The following GABRB2 variants were observed in gnomAD, a reference collection of about 807,000 sequenced individuals.
GABRB2 encodes gamma-aminobutyric acid receptor subunit beta-2.
A neutral mutation model predicts 54.7 loss-of-function variants in GABRB2; 16 were observed. The observed-to-expected ratio is 0.29, with a 90% CI of 0.20 to 0.44. GABRB2 has a LOEUF of 0.44. Ranked by LOEUF, GABRB2 falls within the 20% of genes least tolerant of loss-of-function variation. GABRB2 has a pLI of 1.00. For synonymous variants in GABRB2, 244 were observed against 233.8 expected, an observed-to-expected ratio of 1.04 and a Z score of -0.40; for missense variants, 355 against 644.0, an observed-to-expected ratio of 0.55 and a Z score of 4.86.
At chr5:161,455,672 A>T (rs969567288) in intron 4 of GABRB2, among the ~76,000 whole-genome samples, 1 of 151,822 alleles carries the variant, frequency 6.6e-6, no homozygotes, top group African/African-American at 2.4e-5. Context: ...AGCAGGCACT[A>T]CAGGCACATG....
intron 4 of GABRB2, among the ~76,000 whole-genome samples, chr5:161,437,014 G>A (rs2113195941): frequency 6.6e-6 from 1 of 152,162 alleles, no homozygotes; most frequent in East Asian, 1.9e-4. Context: ...TGCTCTCAAG[G>A]GCTACAGTAC....
intron 3 of GABRB2, among the ~76,000 whole-genome samples, chr5:161,466,896 A>G (rs990195023): frequency 1.3e-5 from 2 of 152,030 alleles, no homozygotes; most frequent in Non-Finnish European, 2.9e-5. Context: ...GGCTATGTAT[A>G]TGGGGAAATA....
chr5:161,400,117 G>A (rs1756138276), intron 5 of GABRB2, among the ~76,000 whole-genome samples: 1 of 152,142 alleles, frequency 6.6e-6, no homozygotes, highest in Non-Finnish European at 1.5e-5. Context: ...TCTAGAATCT[G>A]AGAAAAGTCA....
intron 5 of GABRB2, among the ~76,000 whole-genome samples, chr5:161,348,689 A>G (rs1475971219): frequency 6.6e-6 from 1 of 152,142 alleles, no homozygotes; most frequent in African/African-American, 2.4e-5. Context: ...TACAATTTTA[A>G]TTATTAAAAA....
chr5:161,468,489 ACTCAAAGCTCAAAC>A (rs1758342448), intron 3 of GABRB2, among the ~76,000 whole-genome samples: 1 of 152,032 alleles, frequency 6.6e-6, no homozygotes, highest in South Asian at 2.1e-4. Context: ...TCAGAGCTCA[ACTCAAAGCTCAAAC>A]CTCCTTGGTG....
intron 4 of GABRB2, among the ~76,000 whole-genome samples, chr5:161,453,070 T>C (rs1290878750): frequency 6.6e-6 from 1 of 152,240 alleles, no homozygotes; most frequent in East Asian, 1.9e-4. Flanking sequence ...ATTGGGTCAA[T>C]GTTATTTTGG....
intron 3 of GABRB2, among the ~76,000 whole-genome samples, chr5:161,521,072 T>TC (rs1473171198): frequency 3.9e-5 from 6 of 152,062 alleles, no homozygotes; most frequent in Non-Finnish European, 7.4e-5. Flanking sequence ...TAAGACAATT[T>TC]CCTATGGACG....
intron 3 of GABRB2, among the ~76,000 whole-genome samples, chr5:161,536,743 A>G (rs1278553739): frequency 6.6e-6 from 1 of 152,006 alleles, no homozygotes; most frequent in African/African-American, 2.4e-5. Flanking sequence ...GATTACAGGC[A>G]TGCACCACCA....
chr5:161,388,748 T>C (rs1755724448), intron 5 of GABRB2, among the ~76,000 whole-genome samples: 1 of 151,988 alleles, frequency 6.6e-6, no homozygotes, highest in Non-Finnish European at 1.5e-5. Flanking sequence ...AGTAGTATAA[T>C]GTTTACTACA....
intron 3 of GABRB2, among the ~76,000 whole-genome samples, chr5:161,465,630 TTTC>T (rs1250044696): frequency 1.8e-4 from 27 of 152,216 alleles, no homozygotes; most frequent in African/African-American, 5.8e-4. Flanking sequence ...TGTGTCTGTG[TTTC>T]TTATCTTTTT....
At chr5:161,366,043 T>C (rs1234836719) in intron 5 of GABRB2, among the ~76,000 whole-genome samples, 1 of 150,448 alleles carries the variant, frequency 6.6e-6, no homozygotes, top group Admixed American at 6.7e-5. Context: ...GCATGAAAAG[T>C]TGTCAAGTTA....
chr5:161,453,421 G>T (rs1249814857), intron 4 of GABRB2, among the ~76,000 whole-genome samples: 1 of 152,180 alleles, frequency 6.6e-6, no homozygotes, highest in Non-Finnish European at 1.5e-5. Context: ...TTGGGGAGAA[G>T]ATTAGGTCTT....
At chr5:161,401,652 T>C (rs1756195953) in intron 5 of GABRB2, among the ~76,000 whole-genome samples, 1 of 152,210 alleles carries the variant, frequency 6.6e-6, no homozygotes, top group African/African-American at 2.4e-5. Context: ...ATGCTGCCCA[T>C]GTAACATTTA....
chr5:161,502,674 C>T (rs185666983), intron 3 of GABRB2, among the ~76,000 whole-genome samples: 21 of 152,254 alleles, frequency 1.4e-4, no homozygotes, highest in African/African-American at 4.1e-4. Flanking sequence ...GACTTCCTGC[C>T]TGGGATCAGT....
chr5:161,470,229 C>T (rs896186811), intron 3 of GABRB2, among the ~76,000 whole-genome samples: 1 of 151,696 alleles, frequency 6.6e-6, no homozygotes, highest in African/African-American at 2.4e-5. Flanking sequence ...CCGAACACTA[C>T]TGAATTGAAC....
At chr5:161,448,126 A>T (rs1757687501) in intron 4 of GABRB2, among the ~76,000 whole-genome samples, 1 of 152,152 alleles carries the variant, frequency 6.6e-6, no homozygotes, top group African/African-American at 2.4e-5. Flanking sequence ...ACAAAGTAAG[A>T]ATTAAATTTC....
chr5:161,341,509 T>C (rs946937950), intron 5 of GABRB2, among the ~76,000 whole-genome samples: 1 of 151,808 alleles, frequency 6.6e-6, no homozygotes, highest in Non-Finnish European at 1.5e-5. Flanking sequence ...ACAAATTCAC[T>C]GGCATTCACC....
intron 3 of GABRB2, among the ~76,000 whole-genome samples, chr5:161,512,538 C>T: frequency 6.6e-6 from 1 of 152,010 alleles, no homozygotes; most frequent in African/African-American, 2.4e-5. Flanking sequence ...AATGGGTCAC[C>T]TACCTTTCCC....
intron 5 of GABRB2, among the ~76,000 whole-genome samples, chr5:161,348,190 G>A (rs1348260485): frequency 2.0e-5 from 3 of 151,706 alleles, no homozygotes; most frequent in African/African-American, 7.3e-5. Flanking sequence ...AATTTTATGT[G>A]GGTTATAGCA....
Sources: gnomAD v4.1 joint callset for allele counts (sites outside exome capture counted in the v4.1 genomes callset) on GRCh38, gnomAD v4.1.1 for gene constraint, MANE v1.5 for transcripts, NCBI Gene and HGNC (gene_info 2026-07-23, HGNC 2026-07-21) for gene names.